Variants in NREP observed in about 807,000 individuals in gnomAD.
NREP encodes neuronal regeneration-related protein.
A neutral mutation model predicts 8.6 loss-of-function variants in NREP; 5 were observed. The observed-to-expected ratio is 0.58, with a 90% CI of 0.30 to 1.22. NREP has a LOEUF of 1.22. NREP is among the 50% of genes most tolerant of loss of function. The pLI, the probability that NREP is intolerant of heterozygous loss-of-function variation, is 0.07. For synonymous variants in NREP, 27 were observed against 28.0 expected (o/e 0.96, Z 0.11); for missense variants, 86 against 82.5 (o/e 1.04, Z -0.17).
intron 2 of NREP, among the ~76,000 whole-genome samples, chr5:111,918,388 C>T (rs529736917): frequency 3.9e-5 from 6 of 152,220 alleles, no homozygotes; most frequent in South Asian, 2.1e-4. Flanking sequence ...GAAAAGCACC[C>T]GTATAGCCAA....
chr5:111,970,528 G>A (rs1756782206), intron 2 of NREP, among the ~76,000 whole-genome samples: 1 of 151,992 alleles, frequency 6.6e-6, no homozygotes, highest in Non-Finnish European at 1.5e-5. Context: ...ACTAGATATG[G>A]CAAGAAGTCT....
intron 2 of NREP, among the ~76,000 whole-genome samples, chr5:111,836,078 G>A (rs563009529): frequency 1.3e-5 from 2 of 152,142 alleles, no homozygotes; most frequent in African/African-American, 2.4e-5. Flanking sequence ...TCCTCCCTTC[G>A]TTCATTCATT....
In NREP at chr5:111,730,549, ACT is replaced by A. The variant is rs1159122707; in HGVS notation, c.*370_*371del. The A allele has an allele frequency of 6.9e-5, 10 of 145,822 alleles. No individual in the cohort carries two copies. Among genetic ancestry groups the A allele is most frequent in the Admixed American group, 2.9e-4 (4 of 13,896 alleles). The allele number at this position is 145,822 out of a possible 1,614,324, so 9.0% of individuals were successfully genotyped here. ...AAATGAAAAAAAAGGTGGGGGGGGGACTCTCAGCCTCTGCAAGAAGCAGTCGG... is the reference window on the plus strand; with the variant it reads ...AAATGAAAAAAAAGGTGGGGGGGGGACTCAGCCTCTGCAAGAAGCAGTCGG... On this transcript the variant is annotated 3_prime_UTR_variant, in exon 4 of 4. Transcript: ENST00000257435.
intron 2 of NREP, among the ~76,000 whole-genome samples, chr5:111,857,003 C>G (rs1355061158): frequency 6.6e-6 from 1 of 152,078 alleles, no homozygotes; most frequent in South Asian, 2.1e-4. Flanking sequence ...TTCAGTTTAG[C>G]CTTTTTGTAA....
At chr5:111,926,878 T>C (rs1321822014) in intron 2 of NREP, among the ~76,000 whole-genome samples, 1 of 151,336 alleles carries the variant, frequency 6.6e-6, no homozygotes, top group Non-Finnish European at 1.5e-5. Flanking sequence ...TATTTCTGCC[T>C]GACCCACTCC....
rs1049659029 is a variant in NREP, at chr5:111,877,759, C to T, written c.135+97515G>A. On this transcript the variant is annotated intron_variant, in intron 2 of 3. Coordinates refer to the NREP transcript ENST00000395634. ...AAAAACATGGTTGATATAACTCTTA[C>T]GTTTTAGGTTTTACAGTTGAAGACT... Among the ~76,000 whole-genome samples the T allele has an allele frequency of 2.0e-5, 3 of 152,164 alleles. No homozygotes were observed. In the East Asian group the frequency reaches 5.8e-4, roughly 29 times the overall value.
chr5:111,765,643 C>T (rs540863312), intron 2 of NREP, among the ~76,000 whole-genome samples: 2 of 152,340 alleles, frequency 1.3e-5, no homozygotes, highest in African/African-American at 4.8e-5. Context: ...CTCCAGAATT[C>T]AGTCTCTTAA....
intron 2 of NREP, among the ~76,000 whole-genome samples, chr5:111,913,122 GT>G (rs1754959516): frequency 6.6e-6 from 1 of 152,008 alleles, no homozygotes; most frequent in Non-Finnish European, 1.5e-5. Context: ...GAAGGTAAGT[GT>G]TAGTATCCAT....
At chr5:111,965,708 C>T (rs540896477) in intron 2 of NREP, among the ~76,000 whole-genome samples, 3 of 152,120 alleles carry the variant, frequency 2.0e-5, no homozygotes, top group African/African-American at 7.2e-5. Context: ...AACCACAATA[C>T]AGTCATGATA....
chr5:111,939,129 T>A (rs1755761476), intron 2 of NREP, among the ~76,000 whole-genome samples: 1 of 151,966 alleles, frequency 6.6e-6, no homozygotes, highest in Non-Finnish European at 1.5e-5. Flanking sequence ...TTTTCTACCC[T>A]CTCCCTACGA....
intron 2 of NREP, among the ~76,000 whole-genome samples, chr5:111,962,486 A>C (rs1047853123): frequency 6.6e-5 from 10 of 152,068 alleles, no homozygotes; most frequent in African/African-American, 1.4e-4. Context: ...CTAAATACCC[A>C]ATTAATTTCT....
At chr5:111,895,893 A>G (rs1754498258) in intron 2 of NREP, among the ~76,000 whole-genome samples, 1 of 152,148 alleles carries the variant, frequency 6.6e-6, no homozygotes, top group African/African-American at 2.4e-5. Flanking sequence ...TGCTTAACTC[A>G]TGGCATAGGC....
At chr5:111,963,922 A>G (rs559379237) in intron 2 of NREP, among the ~76,000 whole-genome samples, 1 of 152,330 alleles carries the variant, frequency 6.6e-6, no homozygotes, top group Non-Finnish European at 1.5e-5. Context: ...AAAAAATTCT[A>G]TTGAAGTAAT....
At chr5:111,782,735 CT>C (rs918689517) in intron 2 of NREP, among the ~76,000 whole-genome samples, 9 of 147,098 alleles carry the variant, frequency 6.1e-5, no homozygotes, top group Non-Finnish European at 7.5e-5. Context: ...CATGGCTTTT[CT>C]TTTTTTTTTC....
At chr5:111,751,176 T>C (rs1445086404) in intron 2 of NREP, among the ~76,000 whole-genome samples, 1 of 152,200 alleles carries the variant, frequency 6.6e-6, no homozygotes, top group Non-Finnish European at 1.5e-5. Flanking sequence ...ATATGAAGTT[T>C]ATAAAACCTT....
At position 111,826,732 on chromosome 5, in the gene NREP, G is replaced by A. The variant is rs143383529; in HGVS notation, c.136-91225C>T. ...GTATTTTCGGTAGAGACGAGTTTTC[G>A]CCATGTTGGCCATGCTGGTCTCAAA... On this transcript the variant is annotated intron_variant, in intron 2 of 3. Coordinates refer to the NREP transcript ENST00000395634. 1.9e-4 allele frequency among the ~76,000 whole-genome samples: 29 copies of A among 152,196 alleles called. No individual in the cohort carries two copies. The East Asian group carries it at 5.2e-3, about 27-fold the overall frequency.
intron 2 of NREP, among the ~76,000 whole-genome samples, chr5:111,811,966 A>G (rs1470006634): frequency 1.3e-5 from 2 of 152,136 alleles, no homozygotes; most frequent in East Asian, 1.9e-4. Flanking sequence ...TTTCATCTCA[A>G]TTTGGTCCCT....
intron 2 of NREP, among the ~76,000 whole-genome samples, chr5:111,892,832 A>G (rs1264874151): frequency 6.6e-6 from 1 of 152,168 alleles, no homozygotes; most frequent in Non-Finnish European, 1.5e-5. Context: ...CATAAACCCT[A>G]CGAAAATTTG....
intron 2 of NREP, among the ~76,000 whole-genome samples, chr5:111,897,923 T>C (rs1754551204): frequency 6.6e-6 from 1 of 152,186 alleles, no homozygotes; most frequent in Non-Finnish European, 1.5e-5. Context: ...CTATACTGAA[T>C]GTTTAATTAA....
Sources: gnomAD v4.1 joint callset for allele counts (sites outside exome capture counted in the v4.1 genomes callset) on GRCh38, gnomAD v4.1.1 for gene constraint, MANE v1.5 for transcripts, NCBI Gene and HGNC (gene_info 2026-07-23, HGNC 2026-07-21) for gene names.